SYTL5: variants seen among roughly 807,000 people sequenced by gnomAD.
The protein encoded by SYTL5 is synaptotagmin-like protein 5.
Under a neutral mutation model 55.9 loss-of-function variants are expected in SYTL5, and 34 were observed. The observed-to-expected ratio is 0.61, with a 90% confidence interval of 0.46 to 0.81. The LOEUF (loss-of-function observed/expected upper bound fraction) is 0.81. Among genes scored for constraint, SYTL5 ranks in the 30% least tolerant of loss-of-function variants. SYTL5 has a pLI of 0.00. For missense variants in SYTL5, 637 were observed against 546.7 expected, an observed-to-expected ratio of 1.17 and a Z score of -1.65; for synonymous variants, 221 against 188.7, an observed-to-expected ratio of 1.17 and a Z score of -1.40.
Position 38,126,855 on chromosome X carries a change from G to C in SYTL5, c.*125G>C. The C allele has an allele frequency of 1.5e-6, 1 of 684,672 alleles. No individual in the cohort carries two copies. The highest frequency in any genetic ancestry group is 2.1e-6 in the Non-Finnish European group (1 of 471,017). The allele number at this position is 684,672 out of a possible 1,213,427, so 56.4% of individuals were successfully genotyped here. On this transcript the variant is annotated 3_prime_UTR_variant, in exon 17 of 17. Transcript: ENST00000297875. ...CTCACCTGACAGTGTTGGGACATGA[G>C]GGGAGAGATGTCAGTAGTATGAACA...
the SYTL5 span, among the ~76,000 whole-genome samples, chrX:37,973,890 A>T: frequency 9.0e-6 from 1 of 111,299 alleles, no homozygotes; most frequent in Non-Finnish European, 1.9e-5. Flanking sequence ...TGATCCACCC[A>T]ATTGTGCTTG....
At chrX:37,975,568 C>A in the SYTL5 span, among the ~76,000 whole-genome samples, 1 of 111,509 alleles carries the variant, frequency 9.0e-6, no homozygotes, top group African/African-American at 3.3e-5. Context: ...GGCTTTTGAA[C>A]CTGATGAAAG....
chrX:38,111,374 C>T (rs1370491049), intron 13 of SYTL5, among the ~76,000 whole-genome samples: 5 of 111,619 alleles, frequency 4.5e-5, no homozygotes, highest in African/African-American at 1.3e-4. Flanking sequence ...TACGCATGGC[C>T]GTCAGCATTT....
intron 2 of SYTL5, among the ~76,000 whole-genome samples, chrX:38,045,399 C>A (rs907999464): frequency 8.9e-6 from 1 of 112,224 alleles, no homozygotes; most frequent in Non-Finnish European, 1.9e-5. Flanking sequence ...AATTATTTTC[C>A]CTAAAACTGT....
chrX:37,892,627 T>C, the SYTL5 span, among the ~76,000 whole-genome samples: 1 of 92,597 alleles, frequency 1.1e-5, no homozygotes, highest in East Asian at 3.1e-4. Flanking sequence ...CATATATACA[T>C]ATATTAGTAT....
At chrX:37,912,321 C>G in the SYTL5 span, among the ~76,000 whole-genome samples, 1 of 111,939 alleles carries the variant, frequency 8.9e-6, no homozygotes, top group Non-Finnish European at 1.9e-5. Context: ...ACAACAAGCC[C>G]AATGCCGTTA....
intron 2 of SYTL5, among the ~76,000 whole-genome samples, chrX:38,037,787 C>CTGATAGA (rs1935148688): frequency 2.6e-5 from 2 of 77,364 alleles, no homozygotes; most frequent in African/African-American, 9.8e-5. Context: ...AAACATTTTT[C>CTGATAGA]TGATAGATAG....
the SYTL5 span, among the ~76,000 whole-genome samples, chrX:37,984,538 G>A: frequency 9.0e-6 from 1 of 111,598 alleles, no homozygotes; most frequent in African/African-American, 3.2e-5. Context: ...GGCTTCATTG[G>A]TGAATGCTAC....
chrX:38,067,382 CAA>C (rs55653564), intron 3 of SYTL5, among the ~76,000 whole-genome samples: 2 of 88,408 alleles, frequency 2.3e-5, no homozygotes, highest in Admixed American at 1.3e-4. Flanking sequence ...AAGAACATAT[CAA>C]AAAAAAAAAA....
At chrX:38,086,385 G>A (rs1356883504) in intron 6 of SYTL5, among the ~76,000 whole-genome samples, 1 of 111,986 alleles carries the variant, frequency 8.9e-6, no homozygotes, top group Non-Finnish European at 1.9e-5. Context: ...AAAACAGAAG[G>A]CTTTTAAAGT....
At chrX:37,890,556 C>T in the SYTL5 span, among the ~76,000 whole-genome samples, 1 of 111,642 alleles carries the variant, frequency 9.0e-6, no homozygotes, top group East Asian at 2.8e-4. Context: ...CCGCAAGGAT[C>T]AGCAGCCCGA....
the SYTL5 span, among the ~76,000 whole-genome samples, chrX:37,910,967 CTTTTT>C: frequency 6.0e-5 from 5 of 82,754 alleles, no homozygotes; most frequent in East Asian, 3.3e-4. Flanking sequence ...GATAGCATTA[CTTTTT>C]TTTTTTTTTT....
intron 2 of SYTL5, among the ~76,000 whole-genome samples, chrX:38,034,399 AG>A (rs1353273752): frequency 2.7e-5 from 3 of 111,923 alleles, no homozygotes; most frequent in Non-Finnish European, 3.8e-5. Flanking sequence ...TCCACCTTAT[AG>A]GGTTGTTGTA....
At chrX:38,069,987 C>T (rs1401259901) in intron 3 of SYTL5, among the ~76,000 whole-genome samples, 1 of 111,824 alleles carries the variant, frequency 8.9e-6, no homozygotes, top group Admixed American at 9.5e-5. Context: ...TGTTATGGAG[C>T]TTATCCAATA....
the SYTL5 span, among the ~76,000 whole-genome samples, chrX:37,943,654 C>T: frequency 1.8e-5 from 2 of 111,542 alleles, no homozygotes; most frequent in South Asian, 7.6e-4. Flanking sequence ...CTTGCTTATA[C>T]TTGATTCTAC....
the SYTL5 span, among the ~76,000 whole-genome samples, chrX:37,940,873 G>T: frequency 1.8e-5 from 2 of 110,860 alleles, no homozygotes; most frequent in Non-Finnish European, 3.8e-5. Context: ...ACAGAGTCCA[G>T]TGAAAGAAAT....
At chrX:38,047,478 G>A (rs1935499198) in intron 2 of SYTL5, among the ~76,000 whole-genome samples, 1 of 112,847 alleles carries the variant, frequency 8.9e-6, no homozygotes, top group African/African-American at 3.2e-5. Flanking sequence ...CTGAGATGCA[G>A]GGCACCAAGT....
intron 1 of SYTL5, among the ~76,000 whole-genome samples, chrX:38,015,642 G>T (rs1236229705): frequency 1.8e-5 from 2 of 110,730 alleles, no homozygotes; most frequent in Non-Finnish European, 3.8e-5. Context: ...TTTTTGAAAA[G>T]CAGCTTTTGT....
the SYTL5 span, among the ~76,000 whole-genome samples, chrX:37,980,053 C>T: frequency 1.9e-4 from 21 of 110,974 alleles, no homozygotes; most frequent in Middle Eastern, 4.6e-3. Flanking sequence ...TGAGAACATG[C>T]GGTGTTTGGT....
Sources: allele counts gnomAD v4.1 joint callset (sites outside exome capture counted in the v4.1 genomes callset), GRCh38; gene constraint gnomAD v4.1.1; transcripts MANE v1.5; gene names NCBI Gene and HGNC (gene_info 2026-07-23, HGNC 2026-07-21).